Variants in MYO10 observed in about 807,000 individuals in gnomAD.
MYO10 encodes unconventional myosin-X.
MYO10 carries 133 observed loss-of-function variants against 257.3 expected under a neutral mutation model. That is an observed-to-expected ratio of 0.52 (90% confidence interval 0.45 to 0.60). The LOEUF is 0.60. MYO10 is among the 20% of genes least tolerant of loss of function. The probability of loss-of-function intolerance (pLI) is 0.00; values close to 1 mark genes in which losing one functional copy is unlikely to be tolerated. For missense variants in MYO10, 2,399 were observed against 2,635.7 expected, an observed-to-expected ratio of 0.91 and a Z score of 1.97; for synonymous variants, 1,104 against 1,028.6, an observed-to-expected ratio of 1.07 and a Z score of -1.40.
chr5:16,796,248 A>T (rs1443207003), intron 3 of MYO10, among the ~76,000 whole-genome samples: 6 of 30,282 alleles, frequency 2.0e-4, no homozygotes, highest in Admixed American at 3.6e-4. Flanking sequence ...CGAGCGTGCG[A>T]GAGAGAGAGA....
intron 19 of MYO10, among the ~76,000 whole-genome samples, chr5:16,725,832 T>C (rs928390805): frequency 1.4e-5 from 2 of 147,742 alleles, no homozygotes; most frequent in African/African-American, 2.5e-5. Context: ...CTGTCACCCA[T>C]GCTGGAGTGC....
intron 2 of MYO10, among the ~76,000 whole-genome samples, chr5:16,876,391 AC>A (rs1352667973): frequency 1.3e-5 from 2 of 152,168 alleles, no homozygotes; most frequent in Non-Finnish European, 2.9e-5. Flanking sequence ...AAAATCAGGA[AC>A]AGTGGTGCTC....
At chr5:16,820,115 C>T (rs186114132) in intron 2 of MYO10, among the ~76,000 whole-genome samples, 4 of 152,328 alleles carry the variant, frequency 2.6e-5, no homozygotes, top group Non-Finnish European at 4.4e-5. Context: ...TGCTTCGCAC[C>T]CAGAAGGCAC....
intron 19 of MYO10, among the ~76,000 whole-genome samples, chr5:16,715,641 ACT>A (rs1738835446): frequency 6.6e-6 from 1 of 151,692 alleles, no homozygotes; most frequent in African/African-American, 2.4e-5. Flanking sequence ...TCTAAAATTG[ACT>A]CTGGTGACGG....
intron 21 of MYO10, among the ~76,000 whole-genome samples, chr5:16,706,382 T>A (rs1738343460): frequency 3.9e-5 from 6 of 152,186 alleles, no homozygotes; most frequent in Admixed American, 2.6e-4. Context: ...TCATTAAAGA[T>A]GTTCAGAAAT....
At chr5:16,771,304 GAA>G (rs1414684489) in intron 9 of MYO10, among the ~76,000 whole-genome samples, 2 of 151,926 alleles carry the variant, frequency 1.3e-5, no homozygotes, top group African/African-American at 4.8e-5. Flanking sequence ...AAGATTAGTA[GAA>G]AAGAGACATT....
rs977125726 is a variant in MYO10 at position 16,935,869 on chromosome 5, C to A, written c.-61G>T. The A allele has an allele frequency of 6.2e-7, 1 of 1,600,104 alleles. No homozygotes were observed. The highest frequency in any genetic ancestry group is 1.3e-5 in the African/African-American group (1 of 74,692). Reference sequence around the variant, plus strand: ...TCCGACTCGCGGAAGTCAGCGCCGCCGCGGGTCCGGGGAAACCATGCGTGT... The same window carrying A: ...TCCGACTCGCGGAAGTCAGCGCCGCAGCGGGTCCGGGGAAACCATGCGTGT... On this transcript the variant is annotated 5_prime_UTR_variant, in exon 1 of 41. Transcript: ENST00000513610.
chr5:16,923,349 C>A (rs1275822845), intron 1 of MYO10, among the ~76,000 whole-genome samples: 1 of 151,216 alleles, frequency 6.6e-6, no homozygotes, highest in Non-Finnish European at 1.5e-5. Context: ...TGCAGTGGCA[C>A]GATCTCAGCT....
intron 1 of MYO10, chr5:16,902,689 T>G: frequency 1.1e-6 from 1 of 927,134 alleles, no homozygotes; most frequent in Non-Finnish European, 1.8e-6. Context: ...TTTGTATTTT[T>G]AGTGGAGATG....
intron 2 of MYO10, among the ~76,000 whole-genome samples, chr5:16,856,485 G>A (rs1489563618): frequency 2.6e-5 from 4 of 152,024 alleles, no homozygotes; most frequent in Non-Finnish European, 4.4e-5. Context: ...GGGAGGCGGA[G>A]GTTGCAGTGA....
intron 8 of MYO10, among the ~76,000 whole-genome samples, chr5:16,780,247 G>T (rs1487006951): frequency 6.6e-6 from 1 of 152,042 alleles, no homozygotes; most frequent in Non-Finnish European, 1.5e-5. Flanking sequence ...TGGCTGAAAA[G>T]TGAAACCAGC....
chr5:16,761,060 G>A lies in MYO10; in HGVS notation c.1739+404C>T, dbSNP rs185609781. On this transcript the variant is annotated intron_variant, in intron 17 of 40. Coordinates refer to ENST00000513610, the MANE Select transcript of MYO10 (RefSeq NM_012334.3). Reference sequence around the variant, plus strand: ...GGCTGGACTGCAATGGCGCAATCTTGGGTCACTGCAACCTCCACCTCCCAG... The same window carrying A: ...GGCTGGACTGCAATGGCGCAATCTTAGGTCACTGCAACCTCCACCTCCCAG... 1.7e-4 allele frequency among the ~76,000 whole-genome samples: 26 copies of A among 151,974 alleles called. No homozygotes were observed. In the East Asian group the frequency reaches 4.8e-3, roughly 28 times the overall value.
chr5:16,738,158 A>G, intron 19 of MYO10: 1 of 985,500 alleles, frequency 1.0e-6, no homozygotes, highest in East Asian at 1.1e-4. Context: ...TGAAGGAGAG[A>G]AGCCAGTGTT....
intron 2 of MYO10, among the ~76,000 whole-genome samples, chr5:16,848,155 C>CTTTTTTTTTTTTTTTTTTTTTTT (rs371042891): frequency 6.2e-5 from 7 of 113,598 alleles, no homozygotes; most frequent in African/African-American, 1.9e-4. Context: ...CTACACATTT[C>CTTTTTTTTTTTTTTTTTTTTTTT]TTTTTTTTTT....
intron 9 of MYO10, among the ~76,000 whole-genome samples, chr5:16,774,523 G>A (rs866671469): frequency 5.3e-5 from 8 of 151,900 alleles, no homozygotes; most frequent in Non-Finnish European, 1.0e-4. Flanking sequence ...CTGGGTTCAC[G>A]CCATTCTCCT....
chr5:16,891,636 T>C (rs1181739985), intron 1 of MYO10, among the ~76,000 whole-genome samples: 2 of 152,166 alleles, frequency 1.3e-5, no homozygotes, highest in Non-Finnish European at 2.9e-5. Context: ...GTGTGAATTA[T>C]ATCACAAATT....
intron 3 of MYO10, among the ~76,000 whole-genome samples, chr5:16,796,483 G>GAAAGAAAGAGAGAAAGA (rs1741976128): frequency 7.3e-6 from 1 of 136,862 alleles, no homozygotes. Context: ...GAAAAGAAAA[G>GAAAGAAAGAGAGAAAGA]AAAGAAAGAA....
intron 27 of MYO10, among the ~76,000 whole-genome samples, chr5:16,694,056 T>C (rs796085926): frequency 2.6e-5 from 4 of 152,350 alleles, no homozygotes; most frequent in African/African-American, 9.6e-5. Context: ...ATAAAAAGAC[T>C]CAGCCACTTG....
intron 19 of MYO10, among the ~76,000 whole-genome samples, chr5:16,754,147 T>A (rs1740462060): frequency 6.6e-6 from 1 of 152,216 alleles, no homozygotes; most frequent in Non-Finnish European, 1.5e-5. Context: ...TCAAAATAAT[T>A]TAAATGTATT....
Sources: allele counts gnomAD v4.1 joint callset (sites outside exome capture counted in the v4.1 genomes callset), GRCh38; gene constraint gnomAD v4.1.1; transcripts MANE v1.5; gene names NCBI Gene and HGNC (gene_info 2026-07-23, HGNC 2026-07-21).